The following ZNFX1 variants were observed in gnomAD, a reference collection of about 807,000 sequenced individuals.
The protein encoded by ZNFX1 is zinc finger NFX1-type containing 1.
ZNFX1 carries 78 observed loss-of-function variants against 179.8 expected under a neutral mutation model. The ratio of observed to expected loss-of-function variants is 0.43; its 90% CI spans 0.36 to 0.52. The LOEUF (loss-of-function observed/expected upper bound fraction) is 0.52, where lower values mean the gene tolerates loss of function less well. Ranked by LOEUF, ZNFX1 falls within the 20% of genes least tolerant of loss-of-function variation. The probability of loss-of-function intolerance (pLI) is 0.00; values close to 1 mark genes in which losing one functional copy is unlikely to be tolerated. For synonymous variants in ZNFX1, 848 were observed against 868.5 expected (o/e 0.98, Z 0.42); for missense variants, 1,927 against 2,386.6 (o/e 0.81, Z 4.01).
intron 13 of ZNFX1, among the ~76,000 whole-genome samples, chr20:49,250,542 C>G (rs117447115): frequency 0.015 from 2,328 of 152,170 alleles, 60 homozygotes; most frequent in South Asian, 0.071. Context: ...GAACTCTTGG[C>G]CTCAGCTGAC....
chr20:49,256,819 G>A (rs1279743934), intron 8 of ZNFX1, among the ~76,000 whole-genome samples: 2 of 152,086 alleles, frequency 1.3e-5, no homozygotes, highest in African/African-American at 2.4e-5. Flanking sequence ...TCAAATCATT[G>A]GTAAGGTTTA....
chr20:49,247,133 C>T lies in ZNFX1; in HGVS notation c.*134G>A, dbSNP rs533084947. 7 of 1,262,322 alleles carry T rather than the reference C, an allele frequency of 5.5e-6. No individual in the cohort carries two copies. The Admixed American group carries it at 1.1e-4, about 19-fold the overall frequency. The allele number at this position is 1,262,322 out of a possible 1,614,324, so 78.2% of individuals were successfully genotyped here. Reference sequence around the variant, plus strand: ...CCGCCTGCCTCGGCCTCCCAAAGTGCTGGGATTACAGGCGTAAGCCACTGC... The same window carrying T: ...CCGCCTGCCTCGGCCTCCCAAAGTGTTGGGATTACAGGCGTAAGCCACTGC... On this transcript the variant is annotated 3_prime_UTR_variant, in exon 14 of 14. Transcript: ENST00000396105.
At chr20:49,258,388 C>T (rs117952077) in intron 7 of ZNFX1, among the ~76,000 whole-genome samples, 2,328 of 152,160 alleles carry the variant, frequency 0.015, 61 homozygotes, top group South Asian at 0.071. Context: ...GCACCCAGCC[C>T]TATGTGATTA....
At chr20:49,253,288 G>A (rs1472239381) in intron 11 of ZNFX1, among the ~76,000 whole-genome samples, 1 of 152,172 alleles carries the variant, frequency 6.6e-6, no homozygotes, top group Admixed American at 6.5e-5. Flanking sequence ...AGGGTTTTCA[G>A]CTGGAAAGTG....
In ZNFX1 at chr20:49,260,661, T is replaced by C. The variant is rs185387670; in HGVS notation, c.2302-84A>G. On this transcript the variant is annotated intron_variant, in intron 6 of 13. Transcript: ENST00000396105. ...GTCTCCTCAAAGAATCAAAAGCAGA[T>C]TGGGGCATGGTAGCTCATGCCTGTA... 209 of 1,006,466 alleles carry C rather than the reference T, an allele frequency of 2.1e-4. 1 individual carries two copies. The East Asian group carries it at 5.4e-3, about 26-fold the overall frequency. 62.3% of individuals were successfully genotyped at this position (1,006,466 alleles called of 1,614,324 possible).
chr20:49,266,124 A>AT lies in ZNFX1; in HGVS notation c.2002+10dup. 6.2e-7 allele frequency: 1 copy of AT among 1,603,910 alleles called. No individual in the cohort carries two copies. Among genetic ancestry groups the AT allele is most frequent in the Non-Finnish European group, 8.5e-7 (1 of 1,177,638 alleles). On this transcript the variant is annotated intron_variant, in intron 4 of 13. Transcript: ENST00000396105. ...ATCTTGATAGAGAACAAATTTGCCT[A>AT]TAAGTATTACCTTCCAGAAACTGGT...
chr20:49,270,725 C>T lies in ZNFX1; in HGVS notation c.1087G>A (p.Asp363Asn), dbSNP rs775339970. ...GTATCCAGATAGATAGCAGTGCTGT[C>T]GTATTTTCCAGAAATGATATTGGGG... ...LRPNIISGKY[D>N]STAIYLDTHF... The change falls in exon 3 of 14, where the codon GAC becomes AAC. Residue 363 changes from aspartate (D) to asparagine (N), a missense_variant. Coordinates refer to ENST00000396105, the MANE Select transcript of ZNFX1 (RefSeq NM_021035.3). The surrounding 1 kb of genome is among the most constrained non-coding windows in gnomAD (Gnocchi z 4.6). The T allele has an allele frequency of 1.6e-5, 26 of 1,614,004 alleles. No individual in the cohort carries two copies. In the South Asian group the frequency reaches 1.9e-4, roughly 12 times the overall value.
intron 7 of ZNFX1, 38 bp from the exon 8 acceptor site, chr20:49,257,702 CTTTTT>C (rs11295162): frequency 5.7e-5 from 79 of 1,380,462 alleles, no homozygotes; most frequent in South Asian, 1.0e-4. Flanking sequence ...GATGAAAACT[CTTTTT>C]TTTTTTTTTT....
At position 49,254,618 on chromosome 20, in the gene ZNFX1, G is replaced by A. The variant is rs200836744; in HGVS notation, c.2836C>T (p.Arg946Cys). ...LWLQLYQADTRRKILSYERQY... is the reference protein window; with the variant it reads ...LWLQLYQADTCRKILSYERQY... ...CGTTCATAGCTGAGGATCTTCCGGC[G>A]GGTGTCAGCCTGGTACAACTGTAGC... The change falls in exon 10 of 14, where the codon CGC (arginine) becomes TGC (cysteine). Residue 946 changes from arginine (R) to cysteine (C), a missense_variant. By Grantham distance (180) the Arg-to-Cys change is radical. Coordinates refer to ENST00000396105, the MANE Select transcript of ZNFX1 (RefSeq NM_021035.3). 10 of 1,614,122 alleles carry A rather than the reference G, an allele frequency of 6.2e-6. No homozygotes were observed. Among genetic ancestry groups the A allele is most frequent in the South Asian group, 5.5e-5 (5 of 91,084 alleles).
chr20:49,250,302 A>G (rs1980804441), intron 13 of ZNFX1, among the ~76,000 whole-genome samples: 1 of 152,146 alleles, frequency 6.6e-6, no homozygotes, highest in Non-Finnish European at 1.5e-5. Flanking sequence ...TCCAACCATT[A>G]TAGCTGAAAG....
intron 1 of ZNFX1, among the ~76,000 whole-genome samples, chr20:49,277,738 G>T (rs1175753437): frequency 1.3e-5 from 2 of 151,038 alleles, no homozygotes; most frequent in East Asian, 4.0e-4. Context: ...GGAGGTCTGG[G>T]GTCTGAGGGG....
At position 49,260,508 on chromosome 20, in the gene ZNFX1, C is replaced by A; in HGVS notation, c.2371G>T (p.Gly791Cys). 6.2e-7 allele frequency: 1 copy of A among 1,612,918 alleles called. No homozygotes were observed. The highest frequency in any genetic ancestry group is 1.7e-5 in the Admixed American group (1 of 59,918). ...GGAGAAACACTTTGCGTGAAAGAAC[C>A]GACACCAAGACCTAGCCACTCCAGC... ...MMLEWLGLGV[G>C]SFTQSVSPAG... The change falls in exon 7 of 14, where the codon GGT (glycine) becomes TGT (cysteine). Residue 791 changes from glycine to cysteine, a missense_variant. Transcript: ENST00000396105.
In ZNFX1 at chr20:49,248,046, T is replaced by A. The variant is rs963206774; in HGVS notation, c.4978A>T (p.Ser1660Cys). ...AGCAGGGCCTTAAGCCGTTCCTGGC[T>A]GGTTGCTATTTCCCCTGCTGAGCCC... is the stretch of plus-strand genomic sequence containing the variant. Reference protein sequence around the residue: ...IQGSAGEIATSQERLKALLER... With the variant: ...IQGSAGEIATCQERLKALLER... Residue 1660 changes from serine to cysteine, a missense_variant, in exon 14 of 14, where the codon AGC (serine) becomes TGC (cysteine). Transcript: ENST00000396105. This position sits in a 1 kb window ranked among gnomAD's most constrained non-coding sequence, Gnocchi z 4.6. 22 of 1,614,098 alleles carry A rather than the reference T, an allele frequency of 1.4e-5. No homozygotes were observed. Among genetic ancestry groups the A allele is most frequent in the Non-Finnish European group, 1.9e-5 (22 of 1,180,054 alleles).
intron 3 of ZNFX1, among the ~76,000 whole-genome samples, chr20:49,269,366 G>A (rs1296761014): frequency 1.3e-5 from 2 of 152,150 alleles, no homozygotes; most frequent in Non-Finnish European, 2.9e-5. Flanking sequence ...GATAGAGTGG[G>A]AGGAGGGTGA....
rs1472453607 is a variant in ZNFX1, at chr20:49,277,736, G to A, written c.-49+285C>T. Among the ~76,000 whole-genome samples, 5 of 150,028 alleles carry A rather than the reference G, an allele frequency of 3.3e-5. No individual in the cohort carries two copies. In the East Asian group the frequency reaches 1.0e-3, roughly 30 times the overall value. On this transcript the variant is annotated intron_variant, in intron 1 of 13. Coordinates refer to ENST00000396105, the MANE Select transcript of ZNFX1 (RefSeq NM_021035.3). The stretch of plus-strand genomic sequence containing the variant: ...GGCGCTGAGTAGGCGATGGAGGTCT[G>A]GGGTCTGAGGGGGAGACGGGGCGCT...
rs375139473 is a variant in ZNFX1, at chr20:49,249,752, T to C, written c.3313-41A>G. 182 of 1,563,388 alleles carry C rather than the reference T, an allele frequency of 1.2e-4. No individual in the cohort carries two copies. In the African/African-American group the frequency reaches 2.3e-3, roughly 20 times the overall value. On this transcript the variant is annotated intron_variant, in intron 13 of 13. Transcript: ENST00000396105. The stretch of plus-strand genomic sequence containing the variant: ...AGTGACATGTTAAAAGGTTCACTCA[T>C]GGCACTTGTTTTTTTCTTCCTCTCT...
At chr20:49,254,757 C>A in intron 9 of ZNFX1, 108 bp from the exon 10 acceptor site, 1 of 1,184,754 alleles carries the variant, frequency 8.4e-7, no homozygotes, top group South Asian at 1.5e-5. Context: ...ACCCTTGGAG[C>A]ATAGTGACAA....
rs368708946 is a variant in ZNFX1, at chr20:49,261,119, A to T, written c.2302-542T>A. Among the ~76,000 whole-genome samples, 16 of 152,230 alleles carry T rather than the reference A, an allele frequency of 1.1e-4. 1 individual carries two copies. Among genetic ancestry groups the T allele is most frequent in the South Asian group, 8.3e-4 (4 of 4,820 alleles). On this transcript the variant is annotated intron_variant, in intron 6 of 13. Transcript: ENST00000396105. ...TGTGATGGCATGCACATATAATCCC[A>T]GTTACCCAGGAGGCTGAGGTGGGAG...
At chr20:49,264,376 A>G (rs965842994) in intron 5 of ZNFX1, among the ~76,000 whole-genome samples, 5 of 152,186 alleles carry the variant, frequency 3.3e-5, no homozygotes, top group African/African-American at 9.7e-5. Context: ...TTCCTTAGTA[A>G]TAAGAACTCA....
Sources: gnomAD v4.1 joint callset for allele counts (sites outside exome capture counted in the v4.1 genomes callset) on GRCh38, gnomAD v4.1.1 for gene constraint, Gnocchi (gnomAD v3.1) non-coding constraint, MANE v1.5 for transcripts, NCBI Gene and HGNC (gene_info 2026-07-23, HGNC 2026-07-21) for gene names.